Variants in TAPT1 observed in about 807,000 individuals in gnomAD.
The protein encoded by TAPT1 is transmembrane anterior posterior transformation 1, also known as transmembrane anterior posterior transformation protein 1 homolog.
A neutral mutation model predicts 65.6 loss-of-function variants in TAPT1; 28 were observed. That is an observed-to-expected ratio of 0.43 (90% CI 0.32 to 0.59). The LOEUF (loss-of-function observed/expected upper bound fraction) is 0.59. Among genes scored for constraint, TAPT1 ranks in the 20% least tolerant of loss-of-function variants. The pLI is 0.09. For synonymous variants in TAPT1, 278 were observed against 245.2 expected (o/e 1.13, Z -1.25); for missense variants, 563 against 679.9 (o/e 0.83, Z 1.91).
intron 10 of TAPT1, 174 bp from the exon 11 acceptor site, chr4:16,174,446 A>C (rs972064283): frequency 2.9e-6 from 2 of 694,912 alleles, no homozygotes; most frequent in Admixed American, 6.4e-5. Context: ...TCTTAAATAC[A>C]AAGTTGAATA....
intron 2 of TAPT1, among the ~76,000 whole-genome samples, chr4:16,207,474 A>G (rs539067346): frequency 6.6e-6 from 1 of 152,352 alleles, no homozygotes; most frequent in Admixed American, 6.5e-5. Context: ...AAAAAGGCAA[A>G]ATTAAGTTAC....
chr4:16,184,626 T>C (rs1003152150), intron 7 of TAPT1, among the ~76,000 whole-genome samples: 3 of 152,242 alleles, frequency 2.0e-5, no homozygotes, highest in Non-Finnish European at 2.9e-5. Flanking sequence ...TCCTAACTTG[T>C]GGCACTGTCA....
intron 12 of TAPT1, among the ~76,000 whole-genome samples, chr4:16,168,534 G>A (rs539033377): frequency 2.0e-4 from 30 of 152,218 alleles, no homozygotes; most frequent in African/African-American, 5.8e-4. Context: ...CCCTTCTGCT[G>A]AGCCTACGCT....
At chr4:16,178,293 T>C (rs1748474380) in intron 8 of TAPT1, among the ~76,000 whole-genome samples, 1 of 152,222 alleles carries the variant, frequency 6.6e-6, no homozygotes, top group African/African-American at 2.4e-5. Context: ...TTATGGTTTC[T>C]CTATGAAAAA....
chr4:16,180,926 A>G (rs1268045392), intron 7 of TAPT1, among the ~76,000 whole-genome samples: 2 of 152,318 alleles, frequency 1.3e-5, no homozygotes, highest in African/African-American at 4.8e-5. Flanking sequence ...GGGCACAGTG[A>G]GTCTCAAGGT....
upstream of TAPT1, chr4:16,226,553 A>C (rs1578498434): frequency 2.7e-6 from 2 of 742,380 alleles, no homozygotes; most frequent in Non-Finnish European, 3.3e-6. Flanking sequence ...CCGGAGCCCG[A>C]GCCGCCGCCG....
Position 16,170,666 on chromosome 4 carries a change from G to GT in TAPT1, c.1299dup (p.Leu434ThrfsTer13). The GT allele has an allele frequency of 6.2e-7, 1 of 1,612,262 alleles. No individual in the cohort carries two copies. Among genetic ancestry groups the GT allele is most frequent in the Non-Finnish European group, 8.5e-7 (1 of 1,178,424 alleles). ...GAATAATCTTACCCAAAATAGAAGA[G>GT]TATGACACAGGCATAAGACAGGATT... On this transcript the variant is annotated frameshift_variant, in exon 12 of 14. Transcript: ENST00000405303. LOFTEE classifies it high-confidence loss of function.
Position 16,186,815 on chromosome 4 carries a change from T to C in TAPT1, c.812A>G (p.Asn271Ser), listed in dbSNP as rs775774627. The C allele has an allele frequency of 6.2e-6, 10 of 1,611,072 alleles. No homozygotes were observed. Among genetic ancestry groups the C allele is most frequent in the Non-Finnish European group, 7.6e-6 (9 of 1,177,574 alleles). The change falls in exon 6 of 14, where the codon AAC becomes AGC. Residue 271 changes from asparagine (N) to serine (S), a missense_variant. Physicochemically the swap from Asn to Ser is conservative, Grantham distance 46 (BLOSUM62 1). Around this residue, in one of 5 missense-constraint regions of TAPT1, gnomAD observed 217 missense variants for 317.5 expected, o/e 0.68. Transcript: ENST00000405303. ...CATCATGATAGTAAGCAAAGACTTG[T>C]TGTGTGAGTTAAAAGCTACATTGAG... Reference protein sequence around the residue: ...TTLNVAFNSHNKSLLTIMMSN... With the variant: ...TTLNVAFNSHSKSLLTIMMSN...
At chr4:16,183,387 C>G (rs1260318778) in intron 7 of TAPT1, among the ~76,000 whole-genome samples, 4 of 152,044 alleles carry the variant, frequency 2.6e-5, no homozygotes, top group Admixed American at 2.6e-4. Flanking sequence ...ATATGCATAC[C>G]TGATCATTAT....
chr4:16,174,402 T>C, intron 10 of TAPT1, 130 bp from the exon 11 acceptor site: 1 of 805,434 alleles, frequency 1.2e-6, no homozygotes, highest in Non-Finnish European at 1.9e-6. Context: ...ACCTGGCACT[T>C]ATAAAATGAT....
intron 2 of TAPT1, among the ~76,000 whole-genome samples, chr4:16,203,907 A>G (rs879540091): frequency 1.3e-5 from 2 of 152,244 alleles, no homozygotes; most frequent in Non-Finnish European, 2.9e-5. Flanking sequence ...CTGAATATAT[A>G]GGCCCTTTTT....
chr4:16,194,266 CA>C (rs1156884002), intron 3 of TAPT1, among the ~76,000 whole-genome samples: 1 of 152,210 alleles, frequency 6.6e-6, no homozygotes, highest in Non-Finnish European at 1.5e-5. Context: ...TACTACGTGG[CA>C]AGCACTGTTC....
At chr4:16,222,175 C>G (rs1318355176) in intron 1 of TAPT1, among the ~76,000 whole-genome samples, 2 of 152,142 alleles carry the variant, frequency 1.3e-5, no homozygotes, top group Non-Finnish European at 2.9e-5. Context: ...AAGTAGTCCC[C>G]AAATTGGAGC....
intron 8 of TAPT1, among the ~76,000 whole-genome samples, chr4:16,177,474 G>A (rs939234491): frequency 1.2e-4 from 18 of 152,186 alleles, no homozygotes; most frequent in African/African-American, 3.6e-4. Context: ...GGGCTATCCC[G>A]GCTGACAGTG....
At chr4:16,197,735 T>C (rs1749801144) in intron 3 of TAPT1, among the ~76,000 whole-genome samples, 1 of 152,208 alleles carries the variant, frequency 6.6e-6, no homozygotes, top group Non-Finnish European at 1.5e-5. Flanking sequence ...ATTAAAAAGA[T>C]TATCCTCGTT....
intron 1 of TAPT1, 84 bp downstream of exon 1, chr4:16,226,175 G>A (rs1478144824): frequency 6.6e-6 from 7 of 1,059,120 alleles, no homozygotes; most frequent in Admixed American, 1.1e-4. Flanking sequence ...CGGCTCGGGG[G>A]CCGGGGTTCC....
chr4:16,224,230 T>C (rs995467658), intron 1 of TAPT1, among the ~76,000 whole-genome samples: 4 of 152,140 alleles, frequency 2.6e-5, no homozygotes, highest in East Asian at 1.9e-4. Flanking sequence ...GGGAATCGTT[T>C]TTAAAAATTC....
intron 1 of TAPT1, chr4:16,214,592 G>A (rs12108284): frequency 8.5e-4 from 129 of 152,334 alleles, no homozygotes; most frequent in African/African-American, 2.9e-3. Context: ...GTCAAAGGAA[G>A]TTATTTATAT....
chr4:16,184,256 T>C (rs1748874937), intron 7 of TAPT1, among the ~76,000 whole-genome samples: 1 of 152,230 alleles, frequency 6.6e-6, no homozygotes, highest in Non-Finnish European at 1.5e-5. Context: ...TTCATATAAA[T>C]GAAATAATAC....
Sources: allele counts gnomAD v4.1 joint callset (sites outside exome capture counted in the v4.1 genomes callset), GRCh38; gene constraint gnomAD v4.1.1; regional missense constraint gnomAD v4.1.1; transcripts MANE v1.5; gene names NCBI Gene and HGNC (gene_info 2026-07-23, HGNC 2026-07-21).